The following SCG5 variants were observed in gnomAD, a reference collection of about 807,000 sequenced individuals.
The protein encoded by SCG5 is secretogranin V.
SCG5 carries 18 observed loss-of-function variants against 25.7 expected under a neutral mutation model. The observed-to-expected ratio is 0.70, with a 90% CI of 0.48 to 1.04. SCG5 has a LOEUF of 1.04. Ranked by LOEUF, SCG5 falls within the 50% of genes least tolerant of loss-of-function variation. SCG5 has a pLI of 0.00. For synonymous variants in SCG5, 101 were observed against 91.7 expected, an observed-to-expected ratio of 1.10 and a Z score of -0.58; for missense variants, 206 against 259.8, an observed-to-expected ratio of 0.79 and a Z score of 1.42.
At chr15:32,689,991 G>A (rs73373046) in intron 4 of SCG5, among the ~76,000 whole-genome samples, 2,411 of 152,058 alleles carry the variant, frequency 0.016, 68 homozygotes, top group African/African-American at 0.052. Context: ...ACAGGCGCCC[G>A]CCACCACGCC....
chr15:32,676,879 A>G (rs571963899), intron 2 of SCG5, among the ~76,000 whole-genome samples: 1 of 152,336 alleles, frequency 6.6e-6, no homozygotes, highest in African/African-American at 2.4e-5. Context: ...CAAAATGATA[A>G]AAACAGTAAG....
chr15:32,681,289 T>A (rs983847179), intron 3 of SCG5, among the ~76,000 whole-genome samples: 1 of 152,098 alleles, frequency 6.6e-6, no homozygotes, highest in Non-Finnish European at 1.5e-5. Flanking sequence ...AATCTAATAT[T>A]ATTTCTACTT....
In SCG5 at chr15:32,674,383, G is replaced by T. The variant is rs75883569; in HGVS notation, c.227-5383G>T. On this transcript the variant is annotated intron_variant, in intron 2 of 5. Coordinates refer to ENST00000300175, the MANE Select transcript of SCG5 (RefSeq NM_001144757.3). ...TATCAAGATAAAATATGATAACAGA[G>T]ATTTACTCTAAAATTAAACAATGAA... Among the ~76,000 whole-genome samples the T allele has an allele frequency of 1.3e-4, 20 of 152,154 alleles. No homozygotes were observed. In the East Asian group the frequency reaches 3.9e-3, roughly 29 times the overall value.
rs1464741665 is a variant in SCG5, at chr15:32,666,658, G to T, written c.227-13108G>T. On this transcript the variant is annotated intron_variant, in intron 2 of 5. Coordinates refer to ENST00000300175, the MANE Select transcript of SCG5 (RefSeq NM_001144757.3). Reference sequence around the variant, plus strand: ...ATATGTTTTTAAGTATAGAGCTCATGCATTATAAAGTGACCACCCTAGCTA... The same window carrying T: ...ATATGTTTTTAAGTATAGAGCTCATTCATTATAAAGTGACCACCCTAGCTA... 2.4e-4 allele frequency among the ~76,000 whole-genome samples: 37 copies of T among 152,226 alleles called. 1 individual carries two copies. The highest frequency in any genetic ancestry group is 2.4e-3 in the Admixed American group (36 of 15,294).
At chr15:32,690,623 A>G (rs1653309034) in intron 4 of SCG5, among the ~76,000 whole-genome samples, 1 of 152,222 alleles carries the variant, frequency 6.6e-6, no homozygotes, top group East Asian at 1.9e-4. Context: ...TGGGCAAGAG[A>G]TATGCATTGT....
In SCG5 at chr15:32,656,644, T is replaced by G. The variant is rs559860807; in HGVS notation, c.226+12826T>G. ...ATTTAGCTGAGAAACTATAATGTGCTGGGAGTCGTGGTAAACCACATGTGG... is the reference window on the plus strand; with the variant it reads ...ATTTAGCTGAGAAACTATAATGTGCGGGGAGTCGTGGTAAACCACATGTGG... On this transcript the variant is annotated intron_variant, in intron 2 of 5. Transcript: ENST00000300175. 2.0e-5 allele frequency among the ~76,000 whole-genome samples: 3 copies of G among 152,338 alleles called. No individual in the cohort carries two copies. The East Asian group carries it at 5.8e-4, about 29-fold the overall frequency.
intron 3 of SCG5, 142 bp from the exon 4 acceptor site, chr15:32,684,415 G>A (rs1231031471): frequency 1.6e-6 from 1 of 622,148 alleles, no homozygotes; most frequent in East Asian, 2.8e-5. Context: ...GATCCTAGAG[G>A]GAAGGTGGCT....
chr15:32,647,870 C>A (rs2053968677), intron 2 of SCG5, among the ~76,000 whole-genome samples: 1 of 152,142 alleles, frequency 6.6e-6, no homozygotes, highest in East Asian at 1.9e-4. Flanking sequence ...TCTCTGGCGG[C>A]CTTTAAAAGT....
intron 2 of SCG5, among the ~76,000 whole-genome samples, chr15:32,662,753 C>T (rs1299858959): frequency 1.3e-5 from 2 of 151,790 alleles, no homozygotes; most frequent in Non-Finnish European, 1.5e-5. Context: ...GGAAGAATGG[C>T]GAGAGAGGAG....
chr15:32,667,016 A>G (rs1052498689), intron 2 of SCG5, among the ~76,000 whole-genome samples: 2 of 152,226 alleles, frequency 1.3e-5, no homozygotes, highest in Non-Finnish European at 2.9e-5. Context: ...TATTTGGAAG[A>G]CAGTATGCAA....
chr15:32,646,682 G>A (rs2053948912), intron 2 of SCG5, among the ~76,000 whole-genome samples: 1 of 152,070 alleles, frequency 6.6e-6, no homozygotes, highest in African/African-American at 2.4e-5. Context: ...AGATACTTGG[G>A]GCAAAAACAA....
At chr15:32,680,441 A>G (rs1480026970) in intron 3 of SCG5, among the ~76,000 whole-genome samples, 1 of 148,088 alleles carries the variant, frequency 6.8e-6, no homozygotes, top group Non-Finnish European at 1.5e-5. Context: ...CTCATGATCC[A>G]CCCTCCTCGG....
intron 4 of SCG5, among the ~76,000 whole-genome samples, chr15:32,686,731 G>T (rs2140589499): frequency 6.6e-6 from 1 of 152,296 alleles, no homozygotes; most frequent in South Asian, 2.1e-4. Flanking sequence ...TGAGCCTGCT[G>T]TGTTCCAGGC....
chr15:32,696,187 T>A (rs971472583), intron 5 of SCG5, among the ~76,000 whole-genome samples: 1 of 152,080 alleles, frequency 6.6e-6, no homozygotes, highest in Non-Finnish European at 1.5e-5. Context: ...GCATGACGTC[T>A]GCTCACTGCA....
chr15:32,655,520 G>C (rs1044374583), intron 2 of SCG5, among the ~76,000 whole-genome samples: 1 of 152,164 alleles, frequency 6.6e-6, no homozygotes, highest in Non-Finnish European at 1.5e-5. Context: ...AGGGTGTTCT[G>C]TTGTAGTGGG....
intron 4 of SCG5, among the ~76,000 whole-genome samples, chr15:32,687,846 G>A (rs1230664995): frequency 6.6e-6 from 1 of 152,134 alleles, no homozygotes; most frequent in Non-Finnish European, 1.5e-5. Flanking sequence ...CGGGCCCCGT[G>A]TTAGGTAATG....
At chr15:32,688,281 C>G (rs1218957966) in intron 4 of SCG5, among the ~76,000 whole-genome samples, 1 of 152,232 alleles carries the variant, frequency 6.6e-6, no homozygotes, top group Non-Finnish European at 1.5e-5. Flanking sequence ...CAGCTACCCA[C>G]TCCCCCTTTA....
In SCG5 at chr15:32,679,851, T is replaced by C. The variant is rs767487541; in HGVS notation, c.312T>C (p.Pro104=). The C allele has an allele frequency of 8.1e-6, 13 of 1,613,950 alleles. No individual in the cohort carries two copies. The East Asian group carries it at 2.9e-4, about 36-fold the overall frequency. The change falls in exon 3 of 6, where the codon CCT becomes CCC. Residue 104 remains proline, a synonymous_variant. Transcript: ENST00000300175. Reference sequence around the variant, plus strand: ...CAGAGTTGACTGGAGACAACATTCCTAAGGACTTTAGTGAGGATCAGGGGT... The same window carrying C: ...CAGAGTTGACTGGAGACAACATTCCCAAGGACTTTAGTGAGGATCAGGGGT... ...IVAELTGDNI[P]KDFSEDQGYP...
intron 3 of SCG5, among the ~76,000 whole-genome samples, chr15:32,680,341 G>A (rs1047838664): frequency 2.0e-5 from 3 of 151,666 alleles, no homozygotes; most frequent in East Asian, 2.0e-4. Context: ...GACTACAGGC[G>A]CCTGCCACCA....
Sources: allele counts gnomAD v4.1 joint callset (sites outside exome capture counted in the v4.1 genomes callset), GRCh38; gene constraint gnomAD v4.1.1; transcripts MANE v1.5; gene names NCBI Gene and HGNC (gene_info 2026-07-23, HGNC 2026-07-21).